Variants in SSH2 observed in about 807,000 individuals in gnomAD.
SSH2 encodes the protein protein phosphatase Slingshot homolog 2.
In SSH2, 37 loss-of-function variants were observed where a neutral mutation model predicts 135.2. The ratio of observed to expected loss-of-function variants is 0.27; its 90% confidence interval spans 0.21 to 0.36. The LOEUF (loss-of-function observed/expected upper bound fraction) is 0.36. Ranked by LOEUF, SSH2 falls within the 10% of genes least tolerant of loss-of-function variation. The pLI is 1.00. For synonymous variants in SSH2, 628 were observed against 646.2 expected (o/e 0.97, Z 0.43); for missense variants, 1,408 against 1,765.3 (o/e 0.80, Z 3.63).
At chr17:29,659,979 C>T (rs2036960687) in intron 11 of SSH2, among the ~76,000 whole-genome samples, 1 of 151,600 alleles carries the variant, frequency 6.6e-6, no homozygotes, top group Admixed American at 6.6e-5. Flanking sequence ...TACAGGCACG[C>T]ACCATCATAC....
At chr17:29,638,685 A>T (rs112397845) in intron 14 of SSH2, among the ~76,000 whole-genome samples, 89 of 152,020 alleles carry the variant, frequency 5.9e-4, no homozygotes, top group Non-Finnish European at 1.0e-3. Context: ...AGTAGCTGGG[A>T]CTACAGGTGT....
intron 11 of SSH2, among the ~76,000 whole-genome samples, chr17:29,656,899 T>C (rs1447723911): frequency 6.6e-6 from 1 of 152,220 alleles, no homozygotes; most frequent in Non-Finnish European, 1.5e-5. Context: ...TTTCTACAAA[T>C]GTCCCCAAAA....
chr17:29,863,307 C>T (rs1196605520), intron 1 of SSH2: 1 of 152,228 alleles, frequency 6.6e-6, no homozygotes, highest in African/African-American at 2.4e-5. Flanking sequence ...ACCCAACAGT[C>T]ATCTCTAACC....
intron 3 of SSH2, among the ~76,000 whole-genome samples, chr17:29,780,297 T>C (rs2151287135): frequency 6.6e-6 from 1 of 152,326 alleles, no homozygotes; most frequent in Non-Finnish European, 1.5e-5. Flanking sequence ...AATATTCAGT[T>C]TCTCCATGAA....
chr17:29,735,257 C>G (rs1417291350), intron 3 of SSH2, among the ~76,000 whole-genome samples: 1 of 152,138 alleles, frequency 6.6e-6, no homozygotes, highest in African/African-American at 2.4e-5. Flanking sequence ...ACTACTACCC[C>G]TCACTTTTTA....
rs9896883 is a variant in SSH2 at position 29,681,702 on chromosome 17, G to A, written c.479+2861C>T. Among the ~76,000 whole-genome samples the A allele has an allele frequency of 4.9e-3, 749 of 152,242 alleles. 4 individuals carry two copies. Among genetic ancestry groups the A allele is most frequent in the African/African-American group, 0.017 (724 of 41,552 alleles). ...CATAATACTCAAAGAACTTGTAAAT[G>A]GGCTAAATGAATTGGCTGCAACGTA... On this transcript the variant is annotated intron_variant, in intron 6 of 15. Coordinates refer to ENST00000540801, the MANE Select transcript of SSH2 (RefSeq NM_001282129.2).
intron 1 of SSH2, among the ~76,000 whole-genome samples, chr17:29,912,728 C>T (rs2066787735): frequency 6.6e-6 from 1 of 152,090 alleles, no homozygotes; most frequent in Admixed American, 6.5e-5. Flanking sequence ...GAGATCCTGT[C>T]TCTAAAGTCC....
intron 1 of SSH2, among the ~76,000 whole-genome samples, chr17:29,911,851 AATCTGGGCCTCAGATAT>A (rs1256801110): frequency 6.6e-6 from 1 of 152,242 alleles, no homozygotes; most frequent in East Asian, 1.9e-4. Context: ...TCACTAGTTA[AATCTGGGCCTCAGATAT>A]GTTCTGTTTA....
chr17:29,828,336 T>C (rs1445924462), intron 2 of SSH2, among the ~76,000 whole-genome samples: 2 of 152,228 alleles, frequency 1.3e-5, no homozygotes, highest in Non-Finnish European at 2.9e-5. Context: ...AAGTAAAGAC[T>C]TTCTCAGCAG....
chr17:29,704,160 G>A (rs902833016), intron 3 of SSH2, among the ~76,000 whole-genome samples: 5 of 152,104 alleles, frequency 3.3e-5, no homozygotes, highest in Non-Finnish European at 5.9e-5. Context: ...TTTCAATACC[G>A]TCCTGATCAG....
intron 1 of SSH2, chr17:29,856,127 G>A (rs768579150): frequency 3.3e-6 from 1 of 301,814 alleles, no homozygotes; most frequent in Non-Finnish European, 6.4e-6. Flanking sequence ...ACATCTGGAT[G>A]GTTTAGATAA....
At chr17:29,693,147 C>A (rs1567885303) in intron 5 of SSH2, among the ~76,000 whole-genome samples, 1 of 151,928 alleles carries the variant, frequency 6.6e-6, no homozygotes, top group Admixed American at 6.6e-5. Flanking sequence ...AGGGTTTTGC[C>A]ATGTTGCCTA....
intron 2 of SSH2, among the ~76,000 whole-genome samples, chr17:29,798,839 G>A (rs989177296): frequency 2.6e-5 from 4 of 151,918 alleles, no homozygotes; most frequent in East Asian, 1.9e-4. Context: ...TCCGTTTGTC[G>A]CCTGTATTTG....
chr17:29,684,731 A>G (rs1567876109), intron 5 of SSH2, 47 bp from the exon 6 acceptor site: 1 of 1,562,568 alleles, frequency 6.4e-7, no homozygotes, highest in Non-Finnish European at 8.7e-7. Flanking sequence ...TAGGACATTA[A>G]TTTCAGATCA....
intron 2 of SSH2, 50 bp from the exon 3 acceptor site, chr17:29,793,987 C>A: frequency 7.8e-7 from 1 of 1,279,264 alleles, no homozygotes; most frequent in Non-Finnish European, 1.1e-6. Context: ...GGTTTCATAT[C>A]ATAATATCAC....
chr17:29,845,987 C>T (rs1383017568), intron 2 of SSH2, among the ~76,000 whole-genome samples: 3 of 152,056 alleles, frequency 2.0e-5, no homozygotes, highest in East Asian at 1.9e-4. Context: ...CAAAATCAGT[C>T]GAAATAATAT....
intron 2 of SSH2, among the ~76,000 whole-genome samples, chr17:29,827,710 T>G (rs2042771000): frequency 6.6e-6 from 1 of 151,806 alleles, no homozygotes; most frequent in Non-Finnish European, 1.5e-5. Context: ...TATAGCTTTT[T>G]GAAGCTGGAA....
rs941137074 is a variant in SSH2 at position 29,761,042 on chromosome 17, G to A, written c.188+32852C>T. On this transcript the variant is annotated intron_variant, in intron 3 of 15. Coordinates refer to ENST00000540801, the MANE Select transcript of SSH2 (RefSeq NM_001282129.2). ...AGACCTCCAGGCAAGCAGGATGCGC[G>A]CTCGCCCTCGCTTGATTGTTTGCTC... The A allele has an allele frequency of 1.3e-5, 15 of 1,158,256 alleles. No homozygotes were observed. The Admixed American group carries it at 3.2e-4, about 24-fold the overall frequency. 71.7% of individuals were successfully genotyped at this position (1,158,256 alleles called of 1,614,324 possible). A position where few individuals can be genotyped will look rare whatever the true frequency, so the allele number is the denominator to read the frequency against.
chr17:29,825,351 A>G (rs957876490), intron 2 of SSH2, among the ~76,000 whole-genome samples: 2 of 152,214 alleles, frequency 1.3e-5, no homozygotes, highest in African/African-American at 2.4e-5. Context: ...AATCCAATAC[A>G]AAGATTATAA....
Sources: allele counts gnomAD v4.1 joint callset (sites outside exome capture counted in the v4.1 genomes callset), GRCh38; gene constraint gnomAD v4.1.1; transcripts MANE v1.5; gene names NCBI Gene and HGNC (gene_info 2026-07-23, HGNC 2026-07-21).